Variants in EDEM1 observed in about 807,000 individuals in gnomAD.
The protein encoded by EDEM1 is ER degradation enhancing alpha-mannosidase like protein 1, also known as ER degradation-enhancing alpha-mannosidase-like protein 1.
A neutral mutation model predicts 74.4 loss-of-function variants in EDEM1; 67 were observed. The ratio of observed to expected loss-of-function variants is 0.90; its 90% CI spans 0.74 to 1.10. The LOEUF (loss-of-function observed/expected upper bound fraction) is 1.10. Among genes scored for constraint, EDEM1 ranks in the 50% least tolerant of loss-of-function variants. The probability of loss-of-function intolerance (pLI) is 0.00; values close to 1 mark genes in which losing one functional copy is unlikely to be tolerated. For synonymous variants in EDEM1, 382 were observed against 335.9 expected (o/e 1.14, Z -1.50); for missense variants, 926 against 851.6 (o/e 1.09, Z -1.09).
chr3:5,201,114 A>G (rs1005913993), intron 3 of EDEM1, among the ~76,000 whole-genome samples: 1 of 151,708 alleles, frequency 6.6e-6, no homozygotes, highest in East Asian at 1.9e-4. Context: ...GAGTAATTTA[A>G]TAATACTAAT....
chr3:5,188,329 C>A lies in EDEM1; in HGVS notation c.509+15C>A. The A allele has an allele frequency of 7.1e-7, 1 of 1,413,484 alleles. No individual in the cohort carries two copies. The highest frequency in any genetic ancestry group is 9.3e-7 in the Non-Finnish European group (1 of 1,080,752). 87.6% of individuals were successfully genotyped at this position (1,413,484 alleles called of 1,614,324 possible). On this transcript the variant is annotated intron_variant, in intron 1 of 11. Transcript: ENST00000256497. The stretch of plus-strand genomic sequence containing the variant: ...CGCGGGGACCCGTGAGTAGCCCCCG[C>A]CGCCCGGGGCCGCGCGCCCACGCGC...
chr3:5,216,073 T>C lies in EDEM1; in HGVS notation c.*155T>C, dbSNP rs116862337. 199 of 600,182 alleles carry C rather than the reference T, an allele frequency of 3.3e-4. 1 individual carries two copies. In the East Asian group the frequency reaches 4.3e-3, roughly 13 times the overall value. 37.2% of individuals were successfully genotyped at this position (600,182 alleles called of 1,614,324 possible). On this transcript the variant is annotated 3_prime_UTR_variant, in exon 12 of 12. Transcript: ENST00000256497. ...CACCTCACCACGTCTGGTTAATCCT[T>C]GCACACTTCAGTGTTTCTCTCCTGT...
At chr3:5,188,449 C>A (rs1317528124) in intron 1 of EDEM1, 135 bp downstream of exon 1, 7 of 1,068,344 alleles carry the variant, frequency 6.6e-6, no homozygotes, top group East Asian at 3.4e-5. Context: ...GCTCCCGCGC[C>A]CTGTCCCGTG....
rs781105061 is a variant in EDEM1 at position 5,211,182 on chromosome 3, T to G, written c.1646T>G (p.Phe549Cys). Residue 549 changes from phenylalanine to cysteine, a missense_variant, in exon 10 of 12, where the codon TTC (phenylalanine) becomes TGC (cysteine). By Grantham distance (205) the Phe-to-Cys change is radical (BLOSUM62 -2). Coordinates refer to ENST00000256497, the MANE Select transcript of EDEM1 (RefSeq NM_014674.3). ...TCCACAGAAGACCGGATGGAGAGCTTCTTTCTCAGTGAGACCTGTAAATAT... is the reference window on the plus strand; with the variant it reads ...TCCACAGAAGACCGGATGGAGAGCTGCTTTCTCAGTGAGACCTGTAAATAT... Reference protein sequence around the residue: ...DKSTEDRMESFFLSETCKYLY... With the variant: ...DKSTEDRMESCFLSETCKYLY... 5.6e-6 allele frequency: 9 copies of G among 1,614,204 alleles called. No individual in the cohort carries two copies. The highest frequency in any genetic ancestry group is 5.0e-5 in the Admixed American group (3 of 60,024).
At chr3:5,215,282 A>G (rs989387255) in intron 11 of EDEM1, among the ~76,000 whole-genome samples, 1 of 151,218 alleles carries the variant, frequency 6.6e-6, no homozygotes, top group Non-Finnish European at 1.5e-5. Flanking sequence ...CTTTGAGGAA[A>G]AAAAGTGGTG....
chr3:5,216,034 G>T lies in EDEM1; in HGVS notation c.*116G>T. ...AGTCTTGCTGTCCATGGTGGTGTAG[G>T]AATTTCTGTGCAACACCTCACCACG... On this transcript the variant is annotated 3_prime_UTR_variant, in exon 12 of 12. Transcript: ENST00000256497. 1.2e-6 allele frequency: 1 copy of T among 800,162 alleles called. No homozygotes were observed. Among genetic ancestry groups the T allele is most frequent in the Non-Finnish European group, 2.0e-6 (1 of 497,974 alleles). 49.6% of individuals were successfully genotyped at this position (800,162 alleles called of 1,614,324 possible). A position where few individuals can be genotyped will look rare whatever the true frequency, so the allele number is the denominator to read the frequency against.
rs755108981 is a variant in EDEM1, at chr3:5,213,515, G to C, written c.1877G>C (p.Ser626Thr). 6.2e-7 allele frequency: 1 copy of C among 1,605,820 alleles called. No individual in the cohort carries two copies. Among genetic ancestry groups the C allele is most frequent in the Admixed American group, 1.7e-5 (1 of 59,240 alleles). ...KPHELKVINS[S>T]SNCNRVPDER... ...CATGAGTTAAAAGTCATCAACTCCA[G>C]CTCCAACGTGAGTTGCTTTTTCCAG... Residue 626 changes from serine to threonine, a missense_variant, in exon 11 of 12, where the codon AGC becomes ACC. Ser to Thr is a moderately conservative substitution (Grantham distance 58, BLOSUM62 1). Coordinates refer to ENST00000256497, the MANE Select transcript of EDEM1 (RefSeq NM_014674.3).
At position 5,207,208 on chromosome 3, in the gene EDEM1, A is replaced by G. The variant is rs369994360; in HGVS notation, c.1273A>G (p.Met425Val). 14 of 1,614,064 alleles carry G rather than the reference A, an allele frequency of 8.7e-6. No individual in the cohort carries two copies. In the African/African-American group the frequency reaches 9.3e-5, roughly 11 times the overall value. The change falls in exon 7 of 12, where the codon ATG becomes GTG. Residue 425 changes from methionine (M) to valine (V), a missense_variant. Transcript: ENST00000256497. ...GDPPLYVNVN[M>V]FSGQLMNTWI... ...CCCTCCACTCTATGTCAACGTGAAC[A>G]TGTTCAGTGGGCAGCTGATGAACAC...
At chr3:5,215,156 A>AACTT (rs1257780714) in intron 11 of EDEM1, among the ~76,000 whole-genome samples, 3 of 152,092 alleles carry the variant, frequency 2.0e-5, no homozygotes, top group Admixed American at 2.0e-4. Context: ...TAGTAAGTTC[A>AACTT]ACTTACTACA....
At chr3:5,197,510 C>CA (rs1445224122) in intron 2 of EDEM1, among the ~76,000 whole-genome samples, 1 of 152,238 alleles carries the variant, frequency 6.6e-6, no homozygotes, top group Non-Finnish European at 1.5e-5. Context: ...TGACTTCCTT[C>CA]ACCTTCCTCA....
chr3:5,187,996 G>C lies in EDEM1; in HGVS notation c.191G>C (p.Gly64Ala), dbSNP rs1167642704. Residue 64 changes from glycine to alanine, a missense_variant, in exon 1 of 12, where the codon GGG becomes GCG. Gly to Ala is a moderately conservative substitution (Grantham distance 60). Coordinates refer to ENST00000256497, the MANE Select transcript of EDEM1 (RefSeq NM_014674.3). ...ACCTCGGGGCCCGTGGGCCGGCCTG[G>C]GGGGGTATCCGGGCCGTCGTGGCTG... is the stretch of plus-strand genomic sequence containing the variant. ...SPTSGPVGRP[G>A]GVSGPSWLQP... 5 of 1,517,736 alleles carry C rather than the reference G, an allele frequency of 3.3e-6. No homozygotes were observed. Among genetic ancestry groups the C allele is most frequent in the Middle Eastern group, 2.2e-4 (1 of 4,494 alleles). The allele number at this position is 1,517,736 out of a possible 1,614,324, so 94.0% of individuals were successfully genotyped here.
chr3:5,188,176 C>G lies in EDEM1; in HGVS notation c.371C>G (p.Pro124Arg). 1 of 1,563,118 alleles carries G rather than the reference C, an allele frequency of 6.4e-7. No individual in the cohort carries two copies. The highest frequency in any genetic ancestry group is 8.6e-7 in the Non-Finnish European group (1 of 1,156,202). Reference sequence around the variant, plus strand: ...AAGCGCTACAGCGGCGCCTTCCCTCCGCAGCTGCGTGCCCAGATGCGCGAC... The same window carrying G: ...AAGCGCTACAGCGGCGCCTTCCCTCGGCAGCTGCGTGCCCAGATGCGCGAC... ...YEKRYSGAFP[P>R]QLRAQMRDLA... The change falls in exon 1 of 12, where the codon CCG becomes CGG. Residue 124 changes from proline (P) to arginine (R), a missense_variant. Transcript: ENST00000256497.
intron 6 of EDEM1, 92 bp downstream of exon 6, chr3:5,205,333 G>C: frequency 7.5e-7 from 1 of 1,334,096 alleles, no homozygotes; most frequent in Admixed American, 2.1e-5. Flanking sequence ...CAATCACAGG[G>C]TCTGTTTATC....
chr3:5,206,705 T>C (rs1438856750), intron 6 of EDEM1, among the ~76,000 whole-genome samples: 4 of 152,238 alleles, frequency 2.6e-5, no homozygotes, highest in African/African-American at 7.2e-5. Flanking sequence ...ACAAACTAAA[T>C]TGAGCAGTAA....
At chr3:5,193,697 A>G (rs916600135) in intron 1 of EDEM1, among the ~76,000 whole-genome samples, 1 of 151,950 alleles carries the variant, frequency 6.6e-6, no homozygotes, top group African/African-American at 2.4e-5. Context: ...TCCTGAGTTC[A>G]AGTAATTCTT....
intron 7 of EDEM1, 24 bp from the exon 8 acceptor site, chr3:5,208,069 T>C (rs756108531): frequency 2.1e-5 from 33 of 1,570,368 alleles, no homozygotes; most frequent in Non-Finnish European, 2.8e-5. Context: ...TATCTCAGCC[T>C]GATGACCTGT....
At chr3:5,214,482 G>A (rs1012882950) in intron 11 of EDEM1, among the ~76,000 whole-genome samples, 7 of 152,216 alleles carry the variant, frequency 4.6e-5, no homozygotes, top group Non-Finnish European at 1.0e-4. Context: ...CAGTCATGGA[G>A]CGCTGATTGA....
intron 11 of EDEM1, among the ~76,000 whole-genome samples, chr3:5,214,177 T>C (rs2055202408): frequency 6.6e-6 from 1 of 152,220 alleles, no homozygotes; most frequent in African/African-American, 2.4e-5. Context: ...CTTGCATCCC[T>C]AGTGAAAGTA....
chr3:5,215,482 C>G (rs530460109), intron 11 of EDEM1, among the ~76,000 whole-genome samples: 1 of 152,168 alleles, frequency 6.6e-6, no homozygotes, highest in Non-Finnish European at 1.5e-5. Flanking sequence ...TGCTGCGATG[C>G]CTTTTAGCTT....
Sources: allele counts gnomAD v4.1 joint callset (sites outside exome capture counted in the v4.1 genomes callset), GRCh38; gene constraint gnomAD v4.1.1; transcripts MANE v1.5; gene names NCBI Gene and HGNC (gene_info 2026-07-23, HGNC 2026-07-21).